Variants in USP32 observed in about 807,000 individuals in gnomAD.
USP32 encodes the protein ubiquitin specific peptidase 32, also known as ubiquitin carboxyl-terminal hydrolase 32.
In USP32, 59 loss-of-function variants were observed where a neutral mutation model predicts 204.8. The observed-to-expected ratio is 0.29, with a 90% CI of 0.23 to 0.36. The LOEUF (loss-of-function observed/expected upper bound fraction) is 0.36. Among genes scored for constraint, USP32 ranks in the 10% least tolerant of loss-of-function variants. USP32 has a pLI of 1.00. For synonymous variants in USP32, 517 were observed against 678.4 expected (o/e 0.76, Z 3.70); for missense variants, 1,160 against 1,946.4 (o/e 0.60, Z 7.60).
chr17:60,364,714 T>C (rs79864283), intron 1 of USP32, among the ~76,000 whole-genome samples: 2,093 of 152,328 alleles, frequency 0.014, 48 homozygotes, highest in African/African-American at 0.048. Context: ...GAATTTACAA[T>C]CATTTACTAT....
At chr17:60,267,499 C>A (rs572550529) in intron 7 of USP32, among the ~76,000 whole-genome samples, 1 of 152,102 alleles carries the variant, frequency 6.6e-6, no homozygotes, top group South Asian at 2.1e-4. Flanking sequence ...TACATTCAAT[C>A]TTTTTTTGGC....
intron 31 of USP32, 138 bp from the exon 32 acceptor site, chr17:60,181,886 A>G: frequency 3.0e-6 from 4 of 1,328,224 alleles, no homozygotes; most frequent in Non-Finnish European, 4.1e-6. Context: ...GCTACTCTTT[A>G]GTTCCTATTA....
chr17:60,187,525 G>A (rs1234469728), intron 29 of USP32, among the ~76,000 whole-genome samples: 2 of 152,132 alleles, frequency 1.3e-5, no homozygotes, highest in African/African-American at 2.4e-5. Flanking sequence ...TATCATATAC[G>A]GTAGTGTTTC....
intron 4 of USP32, among the ~76,000 whole-genome samples, 192 bp downstream of exon 4, chr17:60,294,491 A>C (rs1400646191): frequency 6.6e-6 from 1 of 152,032 alleles, no homozygotes; most frequent in Non-Finnish European, 1.5e-5. Context: ...TAGAATTGAA[A>C]ATTTTCAGAT....
intron 29 of USP32, among the ~76,000 whole-genome samples, chr17:60,187,695 C>G (rs192914272): frequency 6.6e-6 from 1 of 152,280 alleles, no homozygotes; most frequent in South Asian, 2.1e-4. Context: ...GGAAAGAAGG[C>G]TGATAAAAAA....
chr17:60,255,402 A>G (rs1438439005), intron 9 of USP32, 144 bp from the exon 10 acceptor site: 3 of 555,334 alleles, frequency 5.4e-6, no homozygotes, highest in Non-Finnish European at 9.2e-6. Flanking sequence ...GGTGCAAGCG[A>G]TTCTCCTGCC....
At chr17:60,393,387 A>G (rs2089871312), upstream of USP32, among the ~76,000 whole-genome samples, 2 of 152,212 alleles carry the variant, frequency 1.3e-5, no homozygotes, top group African/African-American at 4.8e-5. Flanking sequence ...ACGAGAGCCA[A>G]AAGGTGAACA....
chr17:60,412,088 T>C (rs2090023146), intron 1 of USP32, among the ~76,000 whole-genome samples: 2 of 152,200 alleles, frequency 1.3e-5, no homozygotes, highest in African/African-American at 4.8e-5. Flanking sequence ...TCTAGCACAA[T>C]ATCAGAGAAT....
At chr17:60,297,630 G>A (rs1047403519) in intron 3 of USP32, among the ~76,000 whole-genome samples, 8 of 151,494 alleles carry the variant, frequency 5.3e-5, no homozygotes, top group Admixed American at 2.6e-4. Context: ...TAGTAGAGAC[G>A]GGGTTTCACC....
At chr17:60,419,810 T>C (rs560096211) in intron 1 of USP32, among the ~76,000 whole-genome samples, 1 of 133,028 alleles carries the variant, frequency 7.5e-6, no homozygotes, top group South Asian at 2.4e-4. Context: ...AACTCAAGGT[T>C]AAAAAAAATT....
chr17:60,186,198 C>T (rs535438236), intron 29 of USP32, among the ~76,000 whole-genome samples: 58 of 152,190 alleles, frequency 3.8e-4, no homozygotes, highest in African/African-American at 1.3e-3. Flanking sequence ...AATTTTTGAA[C>T]GCTTCAAAAT....
chr17:60,368,551 A>G (rs759199768), intron 1 of USP32, among the ~76,000 whole-genome samples: 3 of 152,146 alleles, frequency 2.0e-5, no homozygotes, highest in African/African-American at 2.4e-5. Flanking sequence ...AGGGGAAAAT[A>G]TATTTAAACT....
intron 12 of USP32, among the ~76,000 whole-genome samples, chr17:60,230,106 G>A (rs917531753): frequency 6.6e-6 from 1 of 152,138 alleles, no homozygotes; most frequent in Middle Eastern, 3.2e-3. Context: ...GAGTCACTGC[G>A]CCCGACCACA....
At chr17:60,348,499 G>A (rs1412983894) in intron 1 of USP32, among the ~76,000 whole-genome samples, 1 of 152,218 alleles carries the variant, frequency 6.6e-6, no homozygotes, top group Admixed American at 6.5e-5. Flanking sequence ...ACTAGGCCAG[G>A]TGCAGTGGCT....
intron 11 of USP32, 134 bp from the exon 12 acceptor site, chr17:60,236,374 C>A: frequency 6.8e-6 from 4 of 586,922 alleles, no homozygotes; most frequent in Non-Finnish European, 1.2e-5. Context: ...TGCCAAAACC[C>A]AATTAGTAAA....
At chr17:60,368,991 A>AT (rs758528054) in intron 1 of USP32, among the ~76,000 whole-genome samples, 3,302 of 114,104 alleles carry the variant, frequency 0.029, 224 homozygotes, top group African/African-American at 0.047. Flanking sequence ...TTTTTAAAAG[A>AT]TTTTTTTTTT....
intron 5 of USP32, among the ~76,000 whole-genome samples, chr17:60,277,913 A>T (rs1217971109): frequency 1.4e-5 from 2 of 145,412 alleles, no homozygotes; most frequent in Admixed American, 6.8e-5. Context: ...ACTTAATAAT[A>T]GTTCCTTTTT....
intron 29 of USP32, among the ~76,000 whole-genome samples, chr17:60,186,617 A>G (rs2084257319): frequency 6.6e-6 from 1 of 152,178 alleles, no homozygotes; most frequent in Admixed American, 6.6e-5. Flanking sequence ...GCTTTTGCTG[A>G]GAAGGCCCCT....
At chr17:60,396,837 A>G (rs1288690325), upstream of USP32, among the ~76,000 whole-genome samples, 1 of 152,218 alleles carries the variant, frequency 6.6e-6, no homozygotes, top group African/African-American at 2.4e-5. Context: ...GTGTGAATTA[A>G]AGTTTACCCT....
Sources: allele counts gnomAD v4.1 joint callset (sites outside exome capture counted in the v4.1 genomes callset), GRCh38; gene constraint gnomAD v4.1.1; transcripts MANE v1.5; gene names NCBI Gene and HGNC (gene_info 2026-07-23, HGNC 2026-07-21).